MICAL3: variants seen among roughly 807,000 people sequenced by gnomAD.
MICAL3 encodes the protein [F-actin]-monooxygenase MICAL3.
A neutral mutation model predicts 207.4 loss-of-function variants in MICAL3; 62 were observed. That is an observed-to-expected ratio of 0.30 (90% CI 0.24 to 0.37). MICAL3 has a LOEUF of 0.37. MICAL3 is among the 10% of genes least tolerant of loss of function. MICAL3 has a pLI of 1.00. For missense variants in MICAL3, 2,368 were observed against 2,635.6 expected (o/e 0.90, Z 2.22); for synonymous variants, 1,077 against 1,069.3 (o/e 1.01, Z -0.14).
At chr22:18,023,184 G>A (rs1924592780) in intron 1 of MICAL3, among the ~76,000 whole-genome samples, 1 of 81,576 alleles carries the variant, frequency 1.2e-5, no homozygotes, top group Admixed American at 1.3e-4. Context: ...CACCTGGGAA[G>A]TTAAAAAAAA....
In MICAL3 at chr22:17,790,933, G is replaced by A; in HGVS notation, c.5825-17C>T. ...TAAGGTGATCTTGAAGGAGAAGAAG[G>A]CATGAGGTGAGGGGCCTGGAGGTGG... On this transcript the variant is annotated splice_polypyrimidine_tract_variant and intron_variant, in intron 31 of 31. Coordinates refer to ENST00000441493, the MANE Select transcript of MICAL3 (RefSeq NM_015241.3). 1 of 1,613,382 alleles carries A rather than the reference G, an allele frequency of 6.2e-7. No individual in the cohort carries two copies. The highest frequency in any genetic ancestry group is 8.5e-7 in the Non-Finnish European group (1 of 1,179,842).
intron 1 of MICAL3, among the ~76,000 whole-genome samples, chr22:17,995,832 C>A (rs1020452743): frequency 6.6e-6 from 1 of 151,888 alleles, no homozygotes; most frequent in African/African-American, 2.4e-5. Context: ...AAAACTGCGG[C>A]AATCATCTCT....
chr22:17,906,955 C>A, intron 1 of MICAL3, 69 bp from the exon 2 acceptor site: 1 of 810,206 alleles, frequency 1.2e-6, no homozygotes, highest in South Asian at 2.0e-5. Context: ...AGACATATTC[C>A]TCTTCAAAGC....
At chr22:17,943,082 G>A (rs1933886538) in intron 1 of MICAL3, among the ~76,000 whole-genome samples, 1 of 152,182 alleles carries the variant, frequency 6.6e-6, no homozygotes, top group East Asian at 1.9e-4. Flanking sequence ...ACATTCTTCT[G>A]ATTATTTTTT....
rs749130437 is a variant in MICAL3, at chr22:17,900,331, G to C, written c.847+511C>G. ...AAACGAACAAACAAAACCTCAGGCT[G>C]GGTGTGGTGGCTCACGCTTGTAATC... On this transcript the variant is annotated intron_variant, in intron 6 of 31. Transcript: ENST00000441493. This position sits in a 1 kb window ranked among gnomAD's most constrained non-coding sequence, Gnocchi z 4.0. Among the ~76,000 whole-genome samples, 1 of 152,214 alleles carries C rather than the reference G, an allele frequency of 6.6e-6. No individual in the cohort carries two copies. Among genetic ancestry groups the C allele is most frequent in the Non-Finnish European group, 1.5e-5 (1 of 68,036 alleles).
rs1226779096 is a variant in MICAL3, at chr22:17,902,950, C to G, written c.473-203G>C. On this transcript the variant is annotated intron_variant, in intron 3 of 31. Transcript: ENST00000441493. This position sits in a 1 kb window ranked among gnomAD's most constrained non-coding sequence, Gnocchi z 4.5. ...AATATAACCCAGTGGAAGAGCTGTT[C>G]TAGAGCAACACACAGGACACTCCCA... 6.6e-6 allele frequency among the ~76,000 whole-genome samples: 1 copy of G among 152,220 alleles called. No homozygotes were observed. The highest frequency in any genetic ancestry group is 1.9e-4 in the East Asian group (1 of 5,196).
chr22:17,874,034 C>T (rs1462392458), intron 16 of MICAL3, among the ~76,000 whole-genome samples: 3 of 152,206 alleles, frequency 2.0e-5, no homozygotes, highest in African/African-American at 7.2e-5. Context: ...CACATAAGGC[C>T]TCGTGTGAGG....
intron 1 of MICAL3, among the ~76,000 whole-genome samples, chr22:17,991,838 C>T (rs1921715784): frequency 6.6e-6 from 1 of 152,108 alleles, no homozygotes; most frequent in Admixed American, 6.6e-5. Flanking sequence ...CAAAGAAATA[C>T]TTCAGGGAGA....
chr22:17,928,943 C>T (rs929713043), intron 1 of MICAL3, among the ~76,000 whole-genome samples: 1 of 152,012 alleles, frequency 6.6e-6, no homozygotes, highest in African/African-American at 2.4e-5. Flanking sequence ...TACAGGCGCC[C>T]GCCACCACGC....
intron 1 of MICAL3, among the ~76,000 whole-genome samples, chr22:17,953,788 G>C (rs1934462746): frequency 1.3e-5 from 2 of 151,766 alleles, no homozygotes; most frequent in Admixed American, 6.6e-5. Flanking sequence ...AAAATTAGCT[G>C]AACGCAGTGG....
At chr22:17,843,877 C>T (rs1295878175) in intron 19 of MICAL3, among the ~76,000 whole-genome samples, 4 of 151,804 alleles carry the variant, frequency 2.6e-5, no homozygotes, top group African/African-American at 9.7e-5. Flanking sequence ...GACGGAGTCT[C>T]GCTCTGTCGC....
chr22:17,817,950 G>C lies in MICAL3; in HGVS notation c.4711C>G (p.Leu1571Val). 1 of 1,612,470 alleles carries C rather than the reference G, an allele frequency of 6.2e-7. No individual in the cohort carries two copies. The highest frequency in any genetic ancestry group is 1.1e-5 in the South Asian group (1 of 91,082). ...LAKENGRLPA[L>V]EGTLQPQKRG... Reference sequence around the variant, plus strand: ...TTCTGTGGCTGCAGCGTCCCCTCCAGAGCAGGCAGCCTCCCGTTCTCCTTG... The same window carrying C: ...TTCTGTGGCTGCAGCGTCCCCTCCACAGCAGGCAGCCTCCCGTTCTCCTTG... Residue 1571 changes from leucine (L) to valine (V), a missense_variant, in exon 26 of 32, where the codon CTG (leucine) becomes GTG (valine). Physicochemically the swap from Leu to Val is conservative, Grantham distance 32. Transcript: ENST00000441493.
At chr22:17,865,199 C>A (rs1054885250) in intron 18 of MICAL3, among the ~76,000 whole-genome samples, 1 of 151,968 alleles carries the variant, frequency 6.6e-6, no homozygotes, top group African/African-American at 2.4e-5. Context: ...CAGCCCCGAC[C>A]TCCTGGGCTC....
chr22:17,887,162 A>T lies in MICAL3; in HGVS notation c.2067+8T>A. 2 of 1,612,420 alleles carry T rather than the reference A, an allele frequency of 1.2e-6. No homozygotes were observed. Among genetic ancestry groups the T allele is most frequent in the Non-Finnish European group, 1.7e-6 (2 of 1,178,694 alleles). On this transcript the variant is annotated splice_region_variant and intron_variant, in intron 15 of 31. Coordinates refer to ENST00000441493, the MANE Select transcript of MICAL3 (RefSeq NM_015241.3). ...GACCATTCTAGCAATTCCCCAAGTG[A>T]ATCTCACCTCCTCTGATTGACTGGT...
chr22:17,883,212 C>A (rs1929588719), intron 16 of MICAL3, among the ~76,000 whole-genome samples: 1 of 152,186 alleles, frequency 6.6e-6, no homozygotes, highest in Non-Finnish European at 1.5e-5. Flanking sequence ...CTTCCAATTA[C>A]ATTTTTCAGA....
At chr22:17,941,874 C>T (rs1318133494) in intron 1 of MICAL3, among the ~76,000 whole-genome samples, 7 of 152,178 alleles carry the variant, frequency 4.6e-5, no homozygotes, top group African/African-American at 1.4e-4. Context: ...TCTAAAGTGC[C>T]TCCAGGGCCC....
At chr22:17,966,999 G>T in intron 1 of MICAL3, among the ~76,000 whole-genome samples, 1 of 152,164 alleles carries the variant, frequency 6.6e-6, no homozygotes, top group East Asian at 1.9e-4. Context: ...AGTCAAATCT[G>T]TAAGTACTTC....
rs761507942 is a variant in MICAL3 at position 17,865,008 on chromosome 22, A to G, written c.2518-22T>C. 1.1e-5 allele frequency: 18 copies of G among 1,590,486 alleles called. No individual in the cohort carries two copies. In the South Asian group the frequency reaches 2.0e-4, roughly 18 times the overall value. On this transcript the variant is annotated intron_variant, in intron 18 of 31. Transcript: ENST00000441493. ...CCTCCTAGGAAAGTTCATGAGAAAAAGAAGAGTGACTCTGACTGATGCACT... is the reference window on the plus strand; with the variant it reads ...CCTCCTAGGAAAGTTCATGAGAAAAGGAAGAGTGACTCTGACTGATGCACT...
At position 17,816,775 on chromosome 22, in the gene MICAL3, A is replaced by G; in HGVS notation, c.5360T>C (p.Leu1787Pro). The G allele has an allele frequency of 6.5e-7, 1 of 1,550,358 alleles. No homozygotes were observed. Among genetic ancestry groups the G allele is most frequent in the South Asian group, 1.2e-5 (1 of 84,072 alleles). Residue 1787 changes from leucine to proline, a missense_variant, in exon 27 of 32, where the codon CTC (leucine) becomes CCC (proline). Transcript: ENST00000441493. ...CTCGGAGAAGCTCAGCTGGCGCCGG[A>G]GCTGCAGCTCTGTGGAGAGAGGGAG... ...VLPVVRAELQ[L>P]RRQLSFSEDS...
Sources: gnomAD v4.1 joint callset for allele counts (sites outside exome capture counted in the v4.1 genomes callset) on GRCh38, gnomAD v4.1.1 for gene constraint, Gnocchi (gnomAD v3.1) non-coding constraint, MANE v1.5 for transcripts, NCBI Gene and HGNC (gene_info 2026-07-23, HGNC 2026-07-21) for gene names.